PCDH15: variants seen among roughly 807,000 people sequenced by gnomAD.
The protein encoded by PCDH15 is protocadherin related 15, also known as protocadherin-15.
In PCDH15, 129 loss-of-function variants were observed where a neutral mutation model predicts 178.5. The ratio of observed to expected loss-of-function variants is 0.72; its 90% confidence interval spans 0.63 to 0.84. The LOEUF (loss-of-function observed/expected upper bound fraction) is 0.84, where lower values mean the gene tolerates loss of function less well. PCDH15 is among the 40% of genes least tolerant of loss of function. The probability of loss-of-function intolerance (pLI) is 0.00; values close to 1 mark genes in which losing one functional copy is unlikely to be tolerated. For missense variants in PCDH15, 2,230 were observed against 2,099.9 expected (o/e 1.06, Z -1.21); for synonymous variants, 800 against 732.0 (o/e 1.09, Z -1.50).
chr10:55,367,630 AAAG>A (rs948208729), intron 2 of PCDH15, among the ~76,000 whole-genome samples: 1 of 152,076 alleles, frequency 6.6e-6, no homozygotes, highest in African/African-American at 2.4e-5. Flanking sequence ...CAAACAAAAA[AAAG>A]AGGTTCAGAG....
chr10:54,132,692 A>C lies in PCDH15; in HGVS notation c.1917+183T>G, dbSNP rs1326418447. On this transcript the variant is annotated intron_variant, in intron 15 of 37. Transcript: ENST00000644397. ...ATTGTGGCGATCAATAGAATAGATTAGCTGTGGAAACCCTCCATCCATATT... is the reference window on the plus strand; with the variant it reads ...ATTGTGGCGATCAATAGAATAGATTCGCTGTGGAAACCCTCCATCCATATT... Among the ~76,000 whole-genome samples, 4 of 152,202 alleles carry C rather than the reference A, an allele frequency of 2.6e-5. No individual in the cohort carries two copies. The East Asian group carries it at 7.7e-4, about 29-fold the overall frequency.
At chr10:55,345,679 T>A (rs1844733580) in intron 2 of PCDH15, among the ~76,000 whole-genome samples, 1 of 103,394 alleles carries the variant, frequency 9.7e-6, no homozygotes, top group East Asian at 2.2e-4. Flanking sequence ...TGTTGTGTGA[T>A]ACTTTTTACT....
At chr10:55,586,610 T>C (rs1842731206) in intron 2 of PCDH15, among the ~76,000 whole-genome samples, 1 of 152,158 alleles carries the variant, frequency 6.6e-6, no homozygotes, top group Non-Finnish European at 1.5e-5. Context: ...ATCTTTCTAA[T>C]TAGATAAAGG....
At chr10:55,477,471 C>T (rs543261726) in intron 2 of PCDH15, among the ~76,000 whole-genome samples, 6 of 151,962 alleles carry the variant, frequency 3.9e-5, no homozygotes, top group South Asian at 4.2e-4. Context: ...TAAGCAGGAC[C>T]GCTTCAGTGA....
At chr10:53,834,367 A>G (rs1258121056) in intron 29 of PCDH15, among the ~76,000 whole-genome samples, 1 of 152,098 alleles carries the variant, frequency 6.6e-6, no homozygotes, top group Non-Finnish European at 1.5e-5. Flanking sequence ...CCAGAGTTAT[A>G]TATTCTCCCT....
intron 25 of PCDH15, among the ~76,000 whole-genome samples, chr10:53,925,664 A>G (rs1177725699): frequency 6.6e-6 from 1 of 152,164 alleles, no homozygotes; most frequent in Non-Finnish European, 1.5e-5. Context: ...CTGCCAGTGG[A>G]TTTTTGTTTG....
chr10:53,828,207 CAAAAAAAAAAAAAAAAAAAAA>C (rs71004480), intron 31 of PCDH15, among the ~76,000 whole-genome samples: 42 of 53,780 alleles, frequency 7.8e-4, no homozygotes, highest in African/African-American at 2.9e-3. Context: ...AAGTCCGTCT[CAAAAAAAAAAAAAAAAAAAAA>C]AAAAAAAAAA....
intron 26 of PCDH15, among the ~76,000 whole-genome samples, chr10:53,888,702 T>TATATATATATATATATA (rs1554845542): frequency 0.047 from 2,154 of 46,112 alleles, 682 homozygotes; most frequent in Non-Finnish European, 0.07. Flanking sequence ...TATATATATA[T>TATATATATATATATATA]ATCTCCTGTG....
At chr10:54,679,047 G>A (rs1258120856) in intron 1 of PCDH15, among the ~76,000 whole-genome samples, 1 of 151,494 alleles carries the variant, frequency 6.6e-6, no homozygotes, top group Admixed American at 6.6e-5. Context: ...AAAATTAGCC[G>A]GGCGTGTTGG....
chr10:54,066,922 C>G lies in PCDH15; in HGVS notation c.2092-37G>C, dbSNP rs771025888. 3.7e-6 allele frequency: 6 copies of G among 1,603,662 alleles called. No individual in the cohort carries two copies. The East Asian group carries it at 6.7e-5, about 18-fold the overall frequency. On this transcript the variant is annotated intron_variant, in intron 17 of 37. Coordinates refer to ENST00000644397, the MANE Select transcript of PCDH15 (RefSeq NM_001384140.1). ...ACACAAGCATTAAATGTGAGAGGAG[C>G]TATTTTTACTTAGAATTCATTTAAG...
intron 1 of PCDH15, among the ~76,000 whole-genome samples, chr10:55,292,158 A>T (rs745948705): frequency 5.9e-5 from 9 of 152,134 alleles, no homozygotes; most frequent in Non-Finnish European, 1.3e-4. Flanking sequence ...TCACAAGTTC[A>T]CAGTCCAAAG....
intron 2 of PCDH15, among the ~76,000 whole-genome samples, chr10:54,951,479 T>A (rs985106674): frequency 1.3e-5 from 2 of 151,930 alleles, no homozygotes; most frequent in African/African-American, 4.8e-5. Context: ...GACATCTTGA[T>A]TGCTTCTACA....
intron 2 of PCDH15, among the ~76,000 whole-genome samples, chr10:55,084,409 T>C (rs1842112573): frequency 6.7e-6 from 1 of 150,366 alleles, no homozygotes; most frequent in African/African-American, 2.5e-5. Flanking sequence ...TCTTGCCATA[T>C]ATGAGAATCC....
In PCDH15 at chr10:54,444,365, G is replaced by A. The variant is rs896453078; in HGVS notation, c.158-65423C>T. On this transcript the variant is annotated intron_variant, in intron 3 of 37. Coordinates refer to ENST00000644397, the MANE Select transcript of PCDH15 (RefSeq NM_001384140.1). Reference sequence around the variant, plus strand: ...TGCAAGAGACCCCACAGTACTACCCGCTTTGTTCTCTTTGTAGACACACTC... The same window carrying A: ...TGCAAGAGACCCCACAGTACTACCCACTTTGTTCTCTTTGTAGACACACTC... 4.6e-5 allele frequency among the ~76,000 whole-genome samples: 7 copies of A among 151,572 alleles called. No homozygotes were observed. The East Asian group carries it at 9.7e-4, about 21-fold the overall frequency.
At chr10:54,586,050 C>T (rs1239075492) in intron 2 of PCDH15, among the ~76,000 whole-genome samples, 1 of 151,986 alleles carries the variant, frequency 6.6e-6, no homozygotes, top group Non-Finnish European at 1.5e-5. Flanking sequence ...CCAGTATTTT[C>T]CTTTAAGATT....
rs1227908667 is a variant in PCDH15, at chr10:55,570,144, CTT to C, written c.-156+57479_-156+57480del. Among the ~76,000 whole-genome samples, 5 of 151,982 alleles carry C rather than the reference CTT, an allele frequency of 3.3e-5. No homozygotes were observed. The East Asian group carries it at 5.8e-4, about 18-fold the overall frequency. ...CATTGCATTTTTATAAATAGCTTCT[CTT>C]TGTTTCTTAAAAATACTAGAATTTC... On this transcript the variant is annotated intron_variant, in intron 2 of 5. Transcript: ENST00000613346.
chr10:54,600,237 C>A, intron 2 of PCDH15: 1 of 574,664 alleles, frequency 1.7e-6, no homozygotes, highest in Non-Finnish European at 3.3e-6. Context: ...AAGAGGGAAG[C>A]CACAGCAACA....
chr10:55,079,956 T>A (rs866074681), intron 2 of PCDH15, among the ~76,000 whole-genome samples: 29 of 152,006 alleles, frequency 1.9e-4, no homozygotes, highest in African/African-American at 6.0e-4. Flanking sequence ...GGGCTTAGGC[T>A]CTAGTAGGTA....
intron 1 of PCDH15, among the ~76,000 whole-genome samples, chr10:55,219,002 A>C (rs1044030011): frequency 6.6e-6 from 1 of 152,070 alleles, no homozygotes; most frequent in Admixed American, 6.6e-5. Flanking sequence ...TCACAGGAAA[A>C]TGAGTCTCTG....
Sources: gnomAD v4.1 joint callset for allele counts (sites outside exome capture counted in the v4.1 genomes callset) on GRCh38, gnomAD v4.1.1 for gene constraint, MANE v1.5 for transcripts, NCBI Gene and HGNC (gene_info 2026-07-23, HGNC 2026-07-21) for gene names.